The following PLCL2 variants were observed in gnomAD, a reference collection of about 807,000 sequenced individuals.
PLCL2 encodes inactive phospholipase C-like protein 2.
A neutral mutation model predicts 79.6 loss-of-function variants in PLCL2; 4 were observed. The ratio of observed to expected loss-of-function variants is 0.05; its 90% CI spans 0.02 to 0.11. PLCL2 has a LOEUF of 0.11. Among genes scored for constraint, PLCL2 ranks in the 10% least tolerant of loss-of-function variants. The pLI, the probability that PLCL2 is intolerant of heterozygous loss-of-function variation, is 1.00. For synonymous variants in PLCL2, 484 were observed against 457.7 expected (o/e 1.06, Z -0.73); for missense variants, 895 against 1,291.0 (o/e 0.69, Z 4.70).
intron 4 of PLCL2, among the ~76,000 whole-genome samples, chr3:17,051,826 A>C (rs776175220): frequency 3.9e-5 from 6 of 152,186 alleles, no homozygotes; most frequent in Non-Finnish European, 8.8e-5. Context: ...GTACCTTGCC[A>C]GTAAGGGAAT....
At chr3:17,021,080 C>T (rs1476704707) in intron 3 of PLCL2, among the ~76,000 whole-genome samples, 2 of 151,892 alleles carry the variant, frequency 1.3e-5, no homozygotes, top group African/African-American at 2.4e-5. Context: ...TTAGAGTTGT[C>T]GACACTACCA....
At chr3:17,086,856 G>A (rs1456836563) in intron 5 of PLCL2, among the ~76,000 whole-genome samples, 1 of 152,026 alleles carries the variant, frequency 6.6e-6, no homozygotes, top group African/African-American at 2.4e-5. Context: ...CTGGGCAAAA[G>A]TCTGAACAGT....
rs532027328 is a variant in PLCL2 at position 17,009,412 on chromosome 3, G to A, written c.328-262G>A. On this transcript the variant is annotated intron_variant, in intron 1 of 5. Transcript: ENST00000615277. The surrounding 1 kb of genome is among the most constrained non-coding windows in gnomAD (Gnocchi z 4.0). Reference sequence around the variant, plus strand: ...GCTGAGTTTATAGGTGTGAACCTCCGTCCCTGGCCTGAAATTGTTCTTCTT... The same window carrying A: ...GCTGAGTTTATAGGTGTGAACCTCCATCCCTGGCCTGAAATTGTTCTTCTT... Among the ~76,000 whole-genome samples the A allele has an allele frequency of 7.2e-5, 11 of 152,012 alleles. No homozygotes were observed. Among genetic ancestry groups the A allele is most frequent in the South Asian group, 2.1e-4 (1 of 4,812 alleles).
intron 1 of PLCL2, among the ~76,000 whole-genome samples, chr3:16,941,235 C>T (rs1339254289): frequency 6.6e-6 from 1 of 152,212 alleles, no homozygotes; most frequent in Admixed American, 6.5e-5. Context: ...TGGGATATCT[C>T]ATGTCTCCTT....
intron 1 of PLCL2, among the ~76,000 whole-genome samples, chr3:16,908,438 G>A (rs553309992): frequency 4.6e-5 from 7 of 152,272 alleles, no homozygotes; most frequent in South Asian, 2.1e-4. Context: ...GATCCCATAC[G>A]TTTCAATGGT....
At chr3:16,960,808 A>C (rs1262661639) in intron 1 of PLCL2, among the ~76,000 whole-genome samples, 2 of 152,196 alleles carry the variant, frequency 1.3e-5, no homozygotes, top group Non-Finnish European at 2.9e-5. Context: ...CCATTTTCCT[A>C]ACTTACTTTA....
chr3:16,980,540 C>T (rs1379391204), intron 1 of PLCL2, among the ~76,000 whole-genome samples: 3 of 147,182 alleles, frequency 2.0e-5, no homozygotes, highest in South Asian at 4.4e-4. Flanking sequence ...AGACGATGGG[C>T]GGCCGGGCAG....
chr3:16,947,009 G>A (rs2063607580), intron 1 of PLCL2, among the ~76,000 whole-genome samples: 1 of 134,740 alleles, frequency 7.4e-6, no homozygotes, highest in African/African-American at 2.8e-5. Context: ...AGGCTGGAGT[G>A]CAGTGGCACG....
chr3:16,899,016 G>A (rs903851492), intron 1 of PLCL2, among the ~76,000 whole-genome samples: 4 of 152,256 alleles, frequency 2.6e-5, no homozygotes, highest in East Asian at 1.9e-4. Context: ...GTGCTGGGGC[G>A]TGTTTGTCAG....
At chr3:16,951,525 A>G (rs1444668886) in intron 1 of PLCL2, among the ~76,000 whole-genome samples, 1 of 151,724 alleles carries the variant, frequency 6.6e-6, no homozygotes, top group East Asian at 1.9e-4. Flanking sequence ...TCATCTTTTT[A>G]TTGCTATATT....
intron 1 of PLCL2, among the ~76,000 whole-genome samples, chr3:16,908,730 G>C (rs971092719): frequency 2.0e-5 from 3 of 152,160 alleles, no homozygotes; most frequent in Non-Finnish European, 4.4e-5. Context: ...AGCTCAGGTT[G>C]GGGTGTTGGG....
chr3:16,970,307 C>T (rs559063421), intron 1 of PLCL2, among the ~76,000 whole-genome samples: 6 of 151,108 alleles, frequency 4.0e-5, no homozygotes, highest in Non-Finnish European at 8.8e-5. Context: ...TGAGAACATG[C>T]GGTGTTTGGT....
At position 16,984,987 on chromosome 3, in the gene PLCL2, A is replaced by G. The variant is rs369989508; in HGVS notation, c.328-24687A>G. ...TAACAATTTCATGAATAAATAGATT[A>G]CTTGAAAGAAGCTAAGATAACTGTT... On this transcript the variant is annotated intron_variant, in intron 1 of 5. Transcript: ENST00000615277. Among the ~76,000 whole-genome samples the G allele has an allele frequency of 7.9e-5, 12 of 152,282 alleles. No individual in the cohort carries two copies. In the East Asian group the frequency reaches 1.5e-3, roughly 20 times the overall value.
chr3:17,075,948 A>G lies in PLCL2; in HGVS notation c.3204+7883A>G, dbSNP rs188409146. ...TTTATGGACATTTGTGTTGTTTCCAATTTTTAGCTATTACAAATAAACCTG... is the reference window on the plus strand; with the variant it reads ...TTTATGGACATTTGTGTTGTTTCCAGTTTTTAGCTATTACAAATAAACCTG... On this transcript the variant is annotated intron_variant, in intron 5 of 5. Transcript: ENST00000615277. Among the ~76,000 whole-genome samples, 451 of 152,266 alleles carry G rather than the reference A, an allele frequency of 3.0e-3. 3 individuals are homozygous for G. The highest frequency in any genetic ancestry group is 4.5e-3 in the Non-Finnish European group (304 of 68,018).
chr3:17,033,408 T>A (rs970016973), intron 3 of PLCL2, among the ~76,000 whole-genome samples: 2 of 152,186 alleles, frequency 1.3e-5, no homozygotes, highest in Non-Finnish European at 2.9e-5. Context: ...TAAAATTCCA[T>A]AGAAGAATTT....
intron 1 of PLCL2, among the ~76,000 whole-genome samples, chr3:17,007,671 T>G (rs1395495535): frequency 2.0e-5 from 3 of 152,228 alleles, no homozygotes; most frequent in African/African-American, 7.2e-5. Flanking sequence ...TTTGGAAGTA[T>G]AGGTAGTTAG....
chr3:17,077,807 A>T (rs143048409), intron 5 of PLCL2, among the ~76,000 whole-genome samples: 1 of 152,280 alleles, frequency 6.6e-6, no homozygotes, highest in East Asian at 1.9e-4. Context: ...GGGAACTTGG[A>T]GACCGGAAAC....
At position 17,032,478 on chromosome 3, in the gene PLCL2, T is replaced by G. The variant is rs746133931; in HGVS notation, c.3019-10396T>G. ...CTCTGCCTCTGTGATTTTGTCGATT[T>G]TTTTTCTTTTAATCCTGTAGATGTG... is the stretch of plus-strand genomic sequence containing the variant. On this transcript the variant is annotated intron_variant, in intron 3 of 5. Transcript: ENST00000615277. Among the ~76,000 whole-genome samples, 3 of 152,190 alleles carry G rather than the reference T, an allele frequency of 2.0e-5. 1 individual carries two copies. The highest frequency in any genetic ancestry group is 4.4e-5 in the Non-Finnish European group (3 of 68,028).
intron 1 of PLCL2, among the ~76,000 whole-genome samples, chr3:16,914,027 C>A (rs952515795): frequency 3.3e-5 from 5 of 152,206 alleles, no homozygotes; most frequent in African/African-American, 1.2e-4. Context: ...AGCAGCCATG[C>A]TATGTGTTGT....
Sources: allele counts gnomAD v4.1 joint callset (sites outside exome capture counted in the v4.1 genomes callset), GRCh38; gene constraint gnomAD v4.1.1; non-coding constraint Gnocchi (gnomAD v3.1); transcripts MANE v1.5; gene names NCBI Gene and HGNC (gene_info 2026-07-23, HGNC 2026-07-21).